VPS13B: variants seen among roughly 807,000 people sequenced by gnomAD.
VPS13B encodes intermembrane lipid transfer protein VPS13B.
VPS13B carries 285 observed loss-of-function variants against 426.4 expected under a neutral mutation model. The ratio of observed to expected loss-of-function variants is 0.67; its 90% confidence interval spans 0.61 to 0.74. The LOEUF is 0.74. VPS13B is among the 30% of genes least tolerant of loss of function. The pLI, the probability that VPS13B is intolerant of heterozygous loss-of-function variation, is 0.00. For missense variants in VPS13B, 4,537 were observed against 4,782.6 expected (o/e 0.95, Z 1.51); for synonymous variants, 1,676 against 1,676.4 (o/e 1.00, Z 0.01).
chr8:99,124,269 C>T (rs1848082889), intron 8 of VPS13B, among the ~76,000 whole-genome samples: 1 of 152,186 alleles, frequency 6.6e-6, no homozygotes, highest in South Asian at 2.1e-4. Context: ...TGATATGACA[C>T]TGTTAGAATC....
chr8:99,518,729 A>G (rs187402971), intron 29 of VPS13B, among the ~76,000 whole-genome samples: 3 of 152,260 alleles, frequency 2.0e-5, no homozygotes, highest in Admixed American at 6.5e-5. Context: ...GACCATACCA[A>G]GTATGTGAAA....
intron 20 of VPS13B, chr8:99,389,598 ATAC>A (rs1336449673): frequency 6.6e-6 from 1 of 152,204 alleles, no homozygotes; most frequent in African/African-American, 2.4e-5. Flanking sequence ...GGAAGACAAA[ATAC>A]TATATAGGAC....
chr8:99,530,637 CAGCAGCAGTAGT>C (rs1822884959), intron 30 of VPS13B, among the ~76,000 whole-genome samples: 1 of 151,188 alleles, frequency 6.6e-6, no homozygotes, highest in African/African-American at 2.4e-5. Flanking sequence ...AAAATAGTAG[CAGCAGCAGTAGT>C]AGCAGCAGCA....
In VPS13B at chr8:99,851,564, G is replaced by A. The variant is rs565442255; in HGVS notation, c.10062-1887G>A. 3.4e-4 allele frequency among the ~76,000 whole-genome samples: 52 copies of A among 152,244 alleles called. No individual in the cohort carries two copies. In the South Asian group the frequency reaches 0.01, roughly 30 times the overall value. On this transcript the variant is annotated intron_variant, in intron 55 of 61. Transcript: ENST00000357162. ...AGCTGCACTGAGAAGTTGATGTTTGGGCGGAGACTGGAAAGCAGTAGGGGG... is the reference window on the plus strand; with the variant it reads ...AGCTGCACTGAGAAGTTGATGTTTGAGCGGAGACTGGAAAGCAGTAGGGGG...
At chr8:99,656,020 C>G (rs549478522) in intron 34 of VPS13B, among the ~76,000 whole-genome samples, 8 of 152,306 alleles carry the variant, frequency 5.3e-5, no homozygotes, top group Middle Eastern at 3.4e-3. Context: ...ATCAAGTCTT[C>G]ATGAAAGTCT....
At position 99,191,308 on chromosome 8, in the gene VPS13B, C is replaced by T. The variant is rs375134240; in HGVS notation, c.2334-1568C>T. Among the ~76,000 whole-genome samples, 11 of 143,420 alleles carry T rather than the reference C, an allele frequency of 7.7e-5. No individual in the cohort carries two copies. The East Asian group carries it at 8.2e-4, about 11-fold the overall frequency. The allele number at this position is 143,420 out of a possible 152,430, so 94.1% of individuals were successfully genotyped here. A position where few individuals can be genotyped will look rare whatever the true frequency, so the allele number is the denominator to read the frequency against. ...CTTGGATATTTGGGTTTATAGTTTT[C>T]TTCAAATTGCTTGATAGTGTCCCAC... On this transcript the variant is annotated intron_variant, in intron 16 of 61. Transcript: ENST00000357162.
chr8:99,750,483 A>T (rs1170379824), intron 39 of VPS13B, among the ~76,000 whole-genome samples: 1 of 152,118 alleles, frequency 6.6e-6, no homozygotes, highest in African/African-American at 2.4e-5. Flanking sequence ...GTTGACTACG[A>T]CTTCATGAAA....
intron 34 of VPS13B, among the ~76,000 whole-genome samples, chr8:99,652,221 T>A (rs1829845473): frequency 6.6e-6 from 1 of 152,156 alleles, no homozygotes; most frequent in African/African-American, 2.4e-5. Flanking sequence ...TACTAAGTTT[T>A]AATCCTGATT....
At chr8:99,417,828 C>G (rs1816116942) in intron 21 of VPS13B, among the ~76,000 whole-genome samples, 2 of 151,800 alleles carry the variant, frequency 1.3e-5, no homozygotes, top group South Asian at 4.2e-4. Context: ...AGAATTCCTG[C>G]CTTGCCCCAT....
intron 19 of VPS13B, among the ~76,000 whole-genome samples, chr8:99,280,210 T>C (rs955314904): frequency 3.3e-5 from 5 of 152,174 alleles, no homozygotes; most frequent in African/African-American, 1.2e-4. Context: ...TGTCTAGGAT[T>C]CTCACAACCA....
chr8:99,352,569 C>G (rs957505786), intron 19 of VPS13B, among the ~76,000 whole-genome samples: 1 of 152,158 alleles, frequency 6.6e-6, no homozygotes, highest in Non-Finnish European at 1.5e-5. Context: ...CGCAGTGGCT[C>G]ACGCCTGTAA....
intron 19 of VPS13B, among the ~76,000 whole-genome samples, chr8:99,358,976 A>G (rs1169502219): frequency 6.6e-6 from 1 of 152,212 alleles, no homozygotes; most frequent in African/African-American, 2.4e-5. Flanking sequence ...TCTTAGGTAT[A>G]TATTAACAAC....
At chr8:99,291,546 A>G (rs1388725016) in intron 19 of VPS13B, among the ~76,000 whole-genome samples, 1 of 152,142 alleles carries the variant, frequency 6.6e-6, no homozygotes, top group Non-Finnish European at 1.5e-5. Flanking sequence ...TGGTATAGAA[A>G]GTTACTCAGT....
intron 31 of VPS13B, among the ~76,000 whole-genome samples, chr8:99,562,269 G>GCC (rs572661623): frequency 1.3e-5 from 2 of 149,930 alleles, no homozygotes; most frequent in African/African-American, 4.9e-5. Context: ...TTTGTCTTTT[G>GCC]CCCCCCCCAT....
chr8:99,034,524 G>A (rs1174123133), intron 2 of VPS13B, among the ~76,000 whole-genome samples: 3 of 151,444 alleles, frequency 2.0e-5, no homozygotes, highest in Non-Finnish European at 2.9e-5. Flanking sequence ...GATTATATCT[G>A]TGTATCTGGT....
chr8:99,398,807 G>T (rs1404217960), intron 21 of VPS13B, among the ~76,000 whole-genome samples: 1 of 142,824 alleles, frequency 7.0e-6, no homozygotes, highest in Non-Finnish European at 1.5e-5. Flanking sequence ...ATTTAGGTGG[G>T]ACAAGTATTT....
At chr8:99,406,272 A>G (rs1815327028) in intron 21 of VPS13B, among the ~76,000 whole-genome samples, 1 of 150,434 alleles carries the variant, frequency 6.6e-6, no homozygotes, top group African/African-American at 2.5e-5. Context: ...CTCAAGGGCT[A>G]TATGTGAATT....
intron 33 of VPS13B, among the ~76,000 whole-genome samples, chr8:99,613,325 G>C (rs1827922351): frequency 6.6e-6 from 1 of 152,146 alleles, no homozygotes; most frequent in African/African-American, 2.4e-5. Context: ...ATAAATTCTT[G>C]TTTTCTAAAT....
intron 22 of VPS13B, among the ~76,000 whole-genome samples, chr8:99,441,940 T>G (rs1563732200): frequency 6.6e-6 from 1 of 152,150 alleles, no homozygotes; most frequent in Non-Finnish European, 1.5e-5. Context: ...TGTTATAAAT[T>G]GAATGTTTTA....
Sources: allele counts gnomAD v4.1 joint callset (sites outside exome capture counted in the v4.1 genomes callset), GRCh38; gene constraint gnomAD v4.1.1; transcripts MANE v1.5; gene names NCBI Gene and HGNC (gene_info 2026-07-23, HGNC 2026-07-21).